Variants in PTPRN2 observed in about 807,000 individuals in gnomAD.
PTPRN2 encodes the protein receptor-type tyrosine-protein phosphatase N2.
A neutral mutation model predicts 118.8 loss-of-function variants in PTPRN2; 74 were observed. The ratio of observed to expected loss-of-function variants is 0.62; its 90% confidence interval spans 0.52 to 0.76. PTPRN2 has a LOEUF of 0.76. Ranked by LOEUF, PTPRN2 falls within the 30% of genes least tolerant of loss-of-function variation. PTPRN2 has a pLI of 0.00. For missense variants in PTPRN2, 1,481 were observed against 1,394.4 expected (o/e 1.06, Z -0.99); for synonymous variants, 641 against 608.0 (o/e 1.05, Z -0.80).
intron 2 of PTPRN2, among the ~76,000 whole-genome samples, chr7:158,366,433 G>A (rs979910563): frequency 1.4e-4 from 21 of 149,940 alleles, no homozygotes; most frequent in African/African-American, 3.7e-4. Context: ...CCCAATGCAC[G>A]CGTGCACACG....
chr7:158,564,578 G>C (rs947711398), intron 1 of PTPRN2, among the ~76,000 whole-genome samples: 2 of 152,236 alleles, frequency 1.3e-5, no homozygotes, highest in African/African-American at 4.8e-5. Context: ...GGAGACGGGT[G>C]CATGCCAGGC....
chr7:158,132,786 TATAC>T (rs1254133223), intron 9 of PTPRN2, among the ~76,000 whole-genome samples: 2 of 150,026 alleles, frequency 1.3e-5, no homozygotes, highest in Non-Finnish European at 3.0e-5. Flanking sequence ...CACACACTCA[TATAC>T]ACACACATGC....
In PTPRN2 at chr7:157,578,041, T is replaced by A; in HGVS notation, c.2596A>T (p.Asn866Tyr). The change falls in exon 18 of 23, where the codon AAT (asparagine) becomes TAT (tyrosine). Residue 866 changes from asparagine to tyrosine, a missense_variant. Physicochemically the swap from Asn to Tyr is moderately radical, Grantham distance 143. Around this residue, in one of 3 missense-constraint regions of PTPRN2, gnomAD observed 362 missense variants for 384.1 expected, o/e 0.94. Transcript: ENST00000389418. ...CYHYWPDEGS[N>Y]LYHIYEVNLV... ...AGTACCTCATAGATGTGGTAGAGAT[T>A]GGAGCCTTCATCCGGCCAGTAGTGG... The A allele has an allele frequency of 6.2e-7, 1 of 1,612,884 alleles. No homozygotes were observed. The highest frequency in any genetic ancestry group is 8.5e-7 in the Non-Finnish European group (1 of 1,179,144).
At chr7:157,788,028 CGCAAATCCCAG>C (rs1220204455) in intron 12 of PTPRN2, among the ~76,000 whole-genome samples, 2 of 152,200 alleles carry the variant, frequency 1.3e-5, no homozygotes, top group Non-Finnish European at 1.5e-5. Flanking sequence ...CTCTGCCATT[CGCAAATCCCAG>C]TGTTCAAACA....
intron 1 of PTPRN2, 98 bp from the exon 2 acceptor site, chr7:158,489,883 C>G: frequency 8.4e-7 from 1 of 1,186,026 alleles, no homozygotes; most frequent in South Asian, 1.4e-5. Context: ...TCAGAGAAAC[C>G]GCCGGTCAAG....
chr7:158,332,747 G>A (rs1168757362), intron 2 of PTPRN2, among the ~76,000 whole-genome samples: 1 of 138,724 alleles, frequency 7.2e-6, no homozygotes, highest in Non-Finnish European at 1.5e-5. Flanking sequence ...TAAGAGCTGA[G>A]GCCCACAGAG....
rs955173563 is a variant in PTPRN2 at position 157,690,753 on chromosome 7, C to A, written c.1789-7816G>T. Reference sequence around the variant, plus strand: ...AGGGCGGCCGGAGGAGACAAAGGTGCCGCGCGTCGCTGCTCCAGCAGCAGC... The same window carrying A: ...AGGGCGGCCGGAGGAGACAAAGGTGACGCGCGTCGCTGCTCCAGCAGCAGC... On this transcript the variant is annotated intron_variant, in intron 12 of 22. Transcript: ENST00000389418. This position sits in a 1 kb window ranked among gnomAD's most constrained non-coding sequence, Gnocchi z 7.1. Among the ~76,000 whole-genome samples the A allele has an allele frequency of 1.3e-5, 2 of 151,264 alleles. No individual in the cohort carries two copies. The highest frequency in any genetic ancestry group is 3.0e-5 in the Non-Finnish European group (2 of 67,722).
chr7:158,138,908 A>G (rs1322779796), intron 6 of PTPRN2, among the ~76,000 whole-genome samples: 1 of 152,198 alleles, frequency 6.6e-6, no homozygotes, highest in African/African-American at 2.4e-5. Flanking sequence ...ACTTGGCAGA[A>G]GGAGAAACAA....
intron 2 of PTPRN2, among the ~76,000 whole-genome samples, chr7:158,329,569 C>T (rs13309408): frequency 0.4 from 60,810 of 152,072 alleles, 12,379 homozygotes; most frequent in Middle Eastern, 0.46. Flanking sequence ...TCGCCAGACA[C>T]CAGACGTCAA....
intron 2 of PTPRN2, among the ~76,000 whole-genome samples, chr7:158,322,909 A>T (rs1428802550): frequency 6.6e-6 from 1 of 152,132 alleles, no homozygotes; most frequent in African/African-American, 2.4e-5. Flanking sequence ...CAACCAGGGG[A>T]TGGTGGCTAA....
At chr7:158,136,327 T>C (rs1818806087) in intron 8 of PTPRN2, among the ~76,000 whole-genome samples, 1 of 152,230 alleles carries the variant, frequency 6.6e-6, no homozygotes, top group African/African-American at 2.4e-5. Flanking sequence ...AGGCATCAAA[T>C]GTGCAAAGTG....
At chr7:157,750,469 C>T (rs910769002) in intron 12 of PTPRN2, among the ~76,000 whole-genome samples, 15 of 152,164 alleles carry the variant, frequency 9.9e-5, no homozygotes, top group African/African-American at 9.7e-5. Context: ...AGGTGAGCTG[C>T]TTCCTCCGCA....
rs538777608 is a variant in PTPRN2, at chr7:157,752,347, T to C, written c.1789-69410A>G. 4.6e-3 allele frequency among the ~76,000 whole-genome samples: 708 copies of C among 152,296 alleles called. 4 individuals carry two copies. The highest frequency in any genetic ancestry group is 7.7e-3 in the Non-Finnish European group (522 of 68,010). On this transcript the variant is annotated intron_variant, in intron 12 of 22. Transcript: ENST00000389418. ...GGGAAGGCACAGCCACAGCTTCCCA[T>C]CCTCTGAGAGCCCCAGAGGGGGCAG...
At chr7:158,457,548 G>T in intron 2 of PTPRN2, among the ~76,000 whole-genome samples, 1 of 95,874 alleles carries the variant, frequency 1.0e-5, no homozygotes, top group South Asian at 3.3e-4. Flanking sequence ...TCACAGTAAA[G>T]CCACCGTCAA....
chr7:157,710,864 G>T (rs1352312379), intron 12 of PTPRN2, among the ~76,000 whole-genome samples: 47 of 45,106 alleles, frequency 1.0e-3, no homozygotes, highest in African/African-American at 3.9e-3. Flanking sequence ...CGCGCCGGAG[G>T]TTCCGGGGCA....
intron 12 of PTPRN2, among the ~76,000 whole-genome samples, chr7:157,814,638 A>G (rs56296495): frequency 0.16 from 23,640 of 151,722 alleles, 2,672 homozygotes; most frequent in African/African-American, 0.3. Flanking sequence ...GCCATCTGCC[A>G]CCCTCTGCCC....
intron 9 of PTPRN2, among the ~76,000 whole-genome samples, chr7:158,123,829 C>T (rs1048582654): frequency 4.6e-5 from 7 of 152,278 alleles, no homozygotes; most frequent in African/African-American, 1.7e-4. Flanking sequence ...CAGCAGGAGC[C>T]GTGAACCCGT....
chr7:158,540,124 C>A (rs2129449401), intron 1 of PTPRN2, among the ~76,000 whole-genome samples: 1 of 152,296 alleles, frequency 6.6e-6, no homozygotes, highest in Non-Finnish European at 1.5e-5. Flanking sequence ...GCCTGAGTGG[C>A]CTTTGCAGTC....
At chr7:157,735,400 C>T (rs1026988844) in intron 12 of PTPRN2, among the ~76,000 whole-genome samples, 3 of 152,162 alleles carry the variant, frequency 2.0e-5, no homozygotes, top group Admixed American at 6.5e-5. Context: ...CATCAGAGAG[C>T]GGCCAGGAGT....
Sources: gnomAD v4.1 joint callset for allele counts (sites outside exome capture counted in the v4.1 genomes callset) on GRCh38, gnomAD v4.1.1 for gene constraint, gnomAD v4.1.1 regional missense constraint, Gnocchi (gnomAD v3.1) non-coding constraint, MANE v1.5 for transcripts, NCBI Gene and HGNC (gene_info 2026-07-23, HGNC 2026-07-21) for gene names.